The following WLS variants were observed in gnomAD, a reference collection of about 807,000 sequenced individuals.
WLS encodes protein wntless homolog.
A neutral mutation model predicts 62.8 loss-of-function variants in WLS; 23 were observed. The observed-to-expected ratio is 0.37, with a 90% CI of 0.26 to 0.52. The LOEUF (loss-of-function observed/expected upper bound fraction) is 0.52, where lower values mean the gene tolerates loss of function less well. WLS is among the 20% of genes least tolerant of loss of function. The probability of loss-of-function intolerance (pLI) is 0.92; values close to 1 mark genes in which losing one functional copy is unlikely to be tolerated. For missense variants in WLS, 615 were observed against 697.3 expected (o/e 0.88, Z 1.33); for synonymous variants, 246 against 244.1 (o/e 1.01, Z -0.07).
intron 10 of WLS, chr1:68,138,207 A>G (rs1646638288): frequency 2.5e-6 from 1 of 394,160 alleles, no homozygotes; most frequent in Non-Finnish European, 4.6e-6. Context: ...AAAAACAGCA[A>G]TTCATTGCTA....
intron 1 of WLS, chr1:68,202,193 C>G (rs772793121): frequency 3.9e-5 from 6 of 152,172 alleles, no homozygotes; most frequent in Non-Finnish European, 8.8e-5. Flanking sequence ...GAGCCAAACT[C>G]TTACATAGTA....
At chr1:68,159,101 C>T in intron 3 of WLS, 22 bp downstream of exon 3, 2 of 1,612,450 alleles carry the variant, frequency 1.2e-6, no homozygotes, top group Non-Finnish European at 1.7e-6. Flanking sequence ...AAACTGTCAG[C>T]TTAGACAGCA....
At chr1:68,210,170 CTCCTT>C (rs1285948411) in intron 1 of WLS, among the ~76,000 whole-genome samples, 1 of 152,148 alleles carries the variant, frequency 6.6e-6, no homozygotes, top group African/African-American at 2.4e-5. Flanking sequence ...AAATGGTGCT[CTCCTT>C]TAAGTAGAAA....
chr1:68,186,890 C>T (rs1385129496), intron 2 of WLS, among the ~76,000 whole-genome samples: 1 of 151,986 alleles, frequency 6.6e-6, no homozygotes, highest in African/African-American at 2.4e-5. Flanking sequence ...AATATTCCCA[C>T]AAACACAACA....
At chr1:68,128,861 G>GC (rs1468277969) in intron 11 of WLS, among the ~76,000 whole-genome samples, 2 of 150,258 alleles carry the variant, frequency 1.3e-5, no homozygotes, top group African/African-American at 4.8e-5. Context: ...TAAGTAACTT[G>GC]CCCAAGGCCC....
intron 10 of WLS, among the ~76,000 whole-genome samples, chr1:68,143,217 T>C (rs1646709750): frequency 6.6e-6 from 1 of 152,192 alleles, no homozygotes. Context: ...CTAGGGAAAC[T>C]TCCCAGCAGA....
intron 2 of WLS, among the ~76,000 whole-genome samples, chr1:68,179,024 T>C (rs1423725669): frequency 6.6e-6 from 1 of 152,132 alleles, no homozygotes; most frequent in African/African-American, 2.4e-5. Flanking sequence ...AGACTAAAAA[T>C]ACACTTCCAG....
At chr1:68,102,224 G>C (rs141508675) in intron 11 of WLS, among the ~76,000 whole-genome samples, 173 of 150,076 alleles carry the variant, frequency 1.2e-3, no homozygotes, top group African/African-American at 4.3e-3. Context: ...TCCTCTGGGG[G>C]ATTGGGAAGT....
intron 2 of WLS, among the ~76,000 whole-genome samples, chr1:68,189,708 C>T (rs1054855194): frequency 2.6e-5 from 4 of 152,172 alleles, no homozygotes; most frequent in African/African-American, 7.2e-5. Context: ...ATTGTAATAG[C>T]TACTTTTAAT....
chr1:68,210,169 T>A (rs1324516252), intron 1 of WLS, among the ~76,000 whole-genome samples: 5 of 152,128 alleles, frequency 3.3e-5, no homozygotes, highest in Non-Finnish European at 1.5e-5. Flanking sequence ...AAAATGGTGC[T>A]CTCCTTTAAG....
At chr1:68,177,160 T>C (rs975647209) in intron 2 of WLS, among the ~76,000 whole-genome samples, 2 of 152,226 alleles carry the variant, frequency 1.3e-5, no homozygotes, top group African/African-American at 4.8e-5. Context: ...TTTCCACATC[T>C]TCTATTTTAG....
At chr1:68,104,295 T>A (rs559208637) in intron 11 of WLS, among the ~76,000 whole-genome samples, 1 of 152,246 alleles carries the variant, frequency 6.6e-6, no homozygotes, top group South Asian at 2.1e-4. Flanking sequence ...TCACTACCAT[T>A]ATCGGTGGAG....
chr1:68,116,164 C>A (rs1409630389), intron 11 of WLS, among the ~76,000 whole-genome samples: 1 of 152,174 alleles, frequency 6.6e-6, no homozygotes. Flanking sequence ...CAATAGGGAC[C>A]AGGAGCAGCA....
chr1:68,129,256 C>T (rs1249962108), intron 11 of WLS, among the ~76,000 whole-genome samples: 1 of 152,114 alleles, frequency 6.6e-6, no homozygotes, highest in African/African-American at 2.4e-5. Flanking sequence ...ACCCGGAAGG[C>T]GGAGGTTGCA....
chr1:68,196,695 G>A (rs996794620), intron 1 of WLS, among the ~76,000 whole-genome samples: 2 of 152,050 alleles, frequency 1.3e-5, no homozygotes, highest in African/African-American at 2.4e-5. Context: ...ACACTACTAA[G>A]CTCTAGCTGA....
At chr1:68,101,181 T>G (rs1378469256) in intron 11 of WLS, among the ~76,000 whole-genome samples, 1 of 152,166 alleles carries the variant, frequency 6.6e-6, no homozygotes, top group African/African-American at 2.4e-5. Flanking sequence ...ATTCTTCAGT[T>G]AACAGTAACA....
At chr1:68,151,599 C>T (rs1472624559) in intron 5 of WLS, among the ~76,000 whole-genome samples, 2 of 151,370 alleles carry the variant, frequency 1.3e-5, no homozygotes, top group African/African-American at 4.9e-5. Context: ...GAAGAATGAG[C>T]ATCATGAAAA....
At chr1:68,212,340 C>A (rs1321362669) in intron 1 of WLS, among the ~76,000 whole-genome samples, 1 of 152,200 alleles carries the variant, frequency 6.6e-6, no homozygotes, top group Non-Finnish European at 1.5e-5. Flanking sequence ...CTTATGGGTA[C>A]TTGTAAACCT....
At chr1:68,195,634 C>A (rs982793478) in intron 1 of WLS, among the ~76,000 whole-genome samples, 32 of 152,224 alleles carry the variant, frequency 2.1e-4, no homozygotes, top group African/African-American at 7.7e-4. Context: ...TTCTCCTAAA[C>A]TTTCCATCTG....
Sources: allele counts gnomAD v4.1 joint callset (sites outside exome capture counted in the v4.1 genomes callset), GRCh38; gene constraint gnomAD v4.1.1; transcripts MANE v1.5; gene names NCBI Gene and HGNC (gene_info 2026-07-23, HGNC 2026-07-21).